The following GNG7 variants were observed in gnomAD, a reference collection of about 807,000 sequenced individuals.
The protein encoded by GNG7 is guanine nucleotide-binding protein G(I)/G(S)/G(O) subunit gamma-7.
A neutral mutation model predicts 4.0 loss-of-function variants in GNG7; 1 was observed. The ratio of observed to expected loss-of-function variants is 0.25; its 90% CI spans 0.09 to 1.18. GNG7 has a LOEUF of 1.18. Ranked by LOEUF, GNG7 falls within the 50% of genes most tolerant of loss-of-function variation. GNG7 has a pLI of 0.50. For missense variants in GNG7, 86 were observed against 91.9 expected, an observed-to-expected ratio of 0.94 and a Z score of 0.26; for synonymous variants, 34 against 36.9, an observed-to-expected ratio of 0.92 and a Z score of 0.29.
intron 1 of GNG7, among the ~76,000 whole-genome samples, chr19:2,657,299 A>G (rs993610889): frequency 8.7e-5 from 12 of 138,030 alleles, no homozygotes; most frequent in African/African-American, 3.4e-4. Flanking sequence ...GTGCCACTGC[A>G]CTTCACCCTG....
At chr19:2,537,553 T>TA (rs1978781586) in intron 3 of GNG7, among the ~76,000 whole-genome samples, 1 of 152,140 alleles carries the variant, frequency 6.6e-6, no homozygotes, top group Non-Finnish European at 1.5e-5. Flanking sequence ...ATAAATCTGA[T>TA]ATAGAATATA....
Position 2,618,728 on chromosome 19 carries a change from G to A in GNG7, c.-78+27496C>T, listed in dbSNP as rs1056741568. Among the ~76,000 whole-genome samples, 2 of 151,756 alleles carry A rather than the reference G, an allele frequency of 1.3e-5. No homozygotes were observed. Among genetic ancestry groups the A allele is most frequent in the Non-Finnish European group, 2.9e-5 (2 of 67,966 alleles). ...GGAAAGTTGCAAAGAGAGAGTCCCC[G>A]CCCACGCCTCACCAGCTTCCTCTTC... On this transcript the variant is annotated intron_variant, in intron 2 of 4. Coordinates refer to ENST00000382159, the MANE Select transcript of GNG7 (RefSeq NM_052847.3). This position sits in a 1 kb window ranked among gnomAD's most constrained non-coding sequence, Gnocchi z 5.1.
At chr19:2,669,372 C>T (rs1406899228) in intron 1 of GNG7, among the ~76,000 whole-genome samples, 1 of 152,126 alleles carries the variant, frequency 6.6e-6, no homozygotes, top group African/African-American at 2.4e-5. Flanking sequence ...TGCCTGTAAT[C>T]CCAGCTACTT....
chr19:2,552,851 A>C (rs10412434), intron 3 of GNG7, among the ~76,000 whole-genome samples: 75,574 of 113,926 alleles, frequency 0.66, 21,542 homozygotes, highest in African/African-American at 0.75. Flanking sequence ...TCCCGGCTCC[A>C]CCCCCCCCAC....
Position 2,634,780 on chromosome 19 carries a change from G to C in GNG7, c.-78+11444C>G, listed in dbSNP as rs1457781872. 6.6e-6 allele frequency among the ~76,000 whole-genome samples: 1 copy of C among 152,100 alleles called. No homozygotes were observed. Among genetic ancestry groups the C allele is most frequent in the African/African-American group, 2.4e-5 (1 of 41,406 alleles). On this transcript the variant is annotated intron_variant, in intron 2 of 4. Transcript: ENST00000382159. This position sits in a 1 kb window ranked among gnomAD's most constrained non-coding sequence, Gnocchi z 5.3. ...TGCTGAAATCTGGTGACCGACCAGG[G>C]GGAAATAAACCCGCTCTGACTGGCC... is the stretch of plus-strand genomic sequence containing the variant.
intron 3 of GNG7, among the ~76,000 whole-genome samples, chr19:2,545,136 G>A (rs1979083307): frequency 6.6e-6 from 1 of 151,748 alleles, no homozygotes; most frequent in South Asian, 2.1e-4. Context: ...TATCCCTGGG[G>A]GTTTCACCTA....
At chr19:2,666,977 G>A (rs946000935) in intron 1 of GNG7, among the ~76,000 whole-genome samples, 1 of 152,124 alleles carries the variant, frequency 6.6e-6, no homozygotes, top group Non-Finnish European at 1.5e-5. Flanking sequence ...ATTCACCTCC[G>A]ATCCTCAACA....
chr19:2,518,154 T>C (rs1030669688), intron 4 of GNG7, among the ~76,000 whole-genome samples: 1 of 152,094 alleles, frequency 6.6e-6, no homozygotes, highest in African/African-American at 2.4e-5. Context: ...ATCGTCGCCG[T>C]TGAGGTTCTG....
At chr19:2,694,146 T>G (rs1913192094) in intron 1 of GNG7, among the ~76,000 whole-genome samples, 1 of 151,956 alleles carries the variant, frequency 6.6e-6, no homozygotes, top group Non-Finnish European at 1.5e-5. Context: ...CACAGGGGAT[T>G]TGGGTCAGAA....
chr19:2,519,581 G>A (rs1443495546), intron 4 of GNG7, among the ~76,000 whole-genome samples: 4 of 146,538 alleles, frequency 2.7e-5, no homozygotes, highest in Non-Finnish European at 5.9e-5. Context: ...GTGAGCCACT[G>A]TGCCTCACAT....
intron 1 of GNG7, among the ~76,000 whole-genome samples, chr19:2,685,805 G>A (rs1246604327): frequency 2.6e-5 from 4 of 152,144 alleles, no homozygotes; most frequent in Non-Finnish European, 5.9e-5. Context: ...TGGTGGGCAG[G>A]GGACGGCCTT....
At chr19:2,691,909 C>A (rs993882502) in intron 1 of GNG7, among the ~76,000 whole-genome samples, 1 of 151,572 alleles carries the variant, frequency 6.6e-6, no homozygotes, top group Admixed American at 6.6e-5. Flanking sequence ...CACGGACACC[C>A]GGGGAGAAGG....
intron 2 of GNG7, chr19:2,632,509 C>CAT (rs1982190675): frequency 6.6e-6 from 1 of 151,382 alleles, no homozygotes; most frequent in Non-Finnish European, 1.5e-5. Context: ...CACACACACA[C>CAT]ACGCACACAG....
chr19:2,612,480 G>C (rs537840230), intron 2 of GNG7, among the ~76,000 whole-genome samples: 1 of 152,118 alleles, frequency 6.6e-6, no homozygotes, highest in African/African-American at 2.4e-5. Context: ...AGAGGGGAGG[G>C]GCCTCAGTGA....
chr19:2,677,622 C>G (rs1439734206), intron 1 of GNG7, among the ~76,000 whole-genome samples: 2 of 152,210 alleles, frequency 1.3e-5, no homozygotes, highest in South Asian at 2.1e-4. Context: ...TCTCCCTCCC[C>G]ACTCAGGGTG....
At chr19:2,536,116 A>G (rs1031846302) in intron 3 of GNG7, among the ~76,000 whole-genome samples, 1 of 151,852 alleles carries the variant, frequency 6.6e-6, no homozygotes, top group African/African-American at 2.4e-5. Flanking sequence ...AGAGTGAGAC[A>G]TATCTCAAAA....
At position 2,626,008 on chromosome 19, in the gene GNG7, G is replaced by A. The variant is rs567906222; in HGVS notation, c.-78+20216C>T. Among the ~76,000 whole-genome samples the A allele has an allele frequency of 2.7e-3, 408 of 151,942 alleles. 3 individuals carry two copies. Among genetic ancestry groups the A allele is most frequent in the African/African-American group, 9.3e-3 (387 of 41,452 alleles). ...TCACTATGTTGGCCAGGCTGGTCTC[G>A]AACTCCTGACCTCAGGTGATCCACC... On this transcript the variant is annotated intron_variant, in intron 2 of 4. Coordinates refer to ENST00000382159, the MANE Select transcript of GNG7 (RefSeq NM_052847.3). This position sits in a 1 kb window ranked among gnomAD's most constrained non-coding sequence, Gnocchi z 5.0.
rs559294993 is a variant in GNG7 at position 2,682,090 on chromosome 19, G to A, written c.-135+20556C>T. ...ACGCCCGGCTAATTTTGTATTTTTA[G>A]CAGAGACTGGGTTTCACTATGTTGG... On this transcript the variant is annotated intron_variant, in intron 1 of 4. Coordinates refer to ENST00000382159, the MANE Select transcript of GNG7 (RefSeq NM_052847.3). 4.1e-3 allele frequency among the ~76,000 whole-genome samples: 630 copies of A among 151,866 alleles called. 4 individuals carry two copies. The highest frequency in any genetic ancestry group is 0.022 in the South Asian group (108 of 4,806).
chr19:2,640,438 G>T (rs777158719), intron 2 of GNG7, among the ~76,000 whole-genome samples: 2 of 152,104 alleles, frequency 1.3e-5, no homozygotes, highest in African/African-American at 4.8e-5. Flanking sequence ...GAGGTTTCTC[G>T]ACAAGGAAAG....
Sources: gnomAD v4.1 joint callset for allele counts (sites outside exome capture counted in the v4.1 genomes callset) on GRCh38, gnomAD v4.1.1 for gene constraint, Gnocchi (gnomAD v3.1) non-coding constraint, MANE v1.5 for transcripts, NCBI Gene and HGNC (gene_info 2026-07-23, HGNC 2026-07-21) for gene names.